The following ABCC4 variants were observed in gnomAD, a reference collection of about 807,000 sequenced individuals.
The protein encoded by ABCC4 is ATP-binding cassette sub-family C member 4.
A neutral mutation model predicts 168.5 loss-of-function variants in ABCC4; 102 were observed. The ratio of observed to expected loss-of-function variants is 0.61; its 90% confidence interval spans 0.52 to 0.71. ABCC4 has a LOEUF of 0.71. ABCC4 is among the 30% of genes least tolerant of loss of function. The pLI, the probability that ABCC4 is intolerant of heterozygous loss-of-function variation, is 0.00. For missense variants in ABCC4, 1,402 were observed against 1,605.8 expected (o/e 0.87, Z 2.17); for synonymous variants, 617 against 590.7 (o/e 1.04, Z -0.65).
chr13:95,103,645 T>C (rs1165451361), intron 20 of ABCC4, among the ~76,000 whole-genome samples: 1 of 152,162 alleles, frequency 6.6e-6, no homozygotes, highest in Non-Finnish European at 1.5e-5. Context: ...ACACAAGGCA[T>C]TCTGACCTGG....
chr13:95,058,567 C>CAAAAAAAAAAAAAA (rs1165324016), intron 26 of ABCC4, among the ~76,000 whole-genome samples: 3 of 62,786 alleles, frequency 4.8e-5, no homozygotes, highest in Non-Finnish European at 5.9e-5. Flanking sequence ...GACTCCATCT[C>CAAAAAAAAAAAAAA]AAAAAAAAAA....
At chr13:95,287,965 C>T (rs912342922) in intron 1 of ABCC4, among the ~76,000 whole-genome samples, 1 of 151,974 alleles carries the variant, frequency 6.6e-6, no homozygotes, top group African/African-American at 2.4e-5. Flanking sequence ...TCACTTGAAC[C>T]CGGGAGACGG....
intron 25 of ABCC4, among the ~76,000 whole-genome samples, chr13:95,064,275 T>C (rs2033428653): frequency 1.2e-5 from 1 of 84,980 alleles, no homozygotes. Flanking sequence ...TATATATATA[T>C]ATATATATAT....
chr13:95,132,957 A>T (rs2036021865), intron 19 of ABCC4, among the ~76,000 whole-genome samples: 1 of 152,240 alleles, frequency 6.6e-6, no homozygotes, highest in East Asian at 1.9e-4. Context: ...CCTGGGTTTC[A>T]GTTTGGGAAG....
intron 19 of ABCC4, 74 bp downstream of exon 19, chr13:95,161,115 G>A: frequency 9.2e-7 from 1 of 1,087,666 alleles, no homozygotes; most frequent in Non-Finnish European, 1.2e-6. Context: ...CATTTTCAAA[G>A]ATGGAAATGT....
intron 1 of ABCC4, among the ~76,000 whole-genome samples, chr13:95,291,827 A>T (rs2041411910): frequency 6.6e-6 from 1 of 152,156 alleles, no homozygotes; most frequent in African/African-American, 2.4e-5. Flanking sequence ...CGTGCCTGTA[A>T]TCCCAGCTAC....
chr13:95,196,108 C>T (rs2038407755), intron 8 of ABCC4, among the ~76,000 whole-genome samples: 1 of 152,122 alleles, frequency 6.6e-6, no homozygotes, highest in African/African-American at 2.4e-5. Flanking sequence ...GGAAAACTCC[C>T]TTTTGCTCCT....
chr13:95,161,291 A>G lies in ABCC4; in HGVS notation c.2353T>C (p.Leu785=), dbSNP rs2037091775. The change falls in exon 19 of 31, where the codon TTG becomes CTG. Residue 785 remains leucine (L), a synonymous_variant. Transcript: ENST00000645237. The stretch of plus-strand genomic sequence containing the variant: ...GAGTTAACAAGGACGTAGAATACCA[A>G]TAGAGATCTTGCTATGCCAAAAAGA... ...TVLFGIARSL[L]VFYVLVNSSQ... is the part of the protein sequence containing the mutation. 1 of 1,603,344 alleles carries G rather than the reference A, an allele frequency of 6.2e-7. No individual in the cohort carries two copies. The highest frequency in any genetic ancestry group is 8.5e-7 in the Non-Finnish European group (1 of 1,177,588).
chr13:95,217,993 A>G (rs955757361), intron 4 of ABCC4, among the ~76,000 whole-genome samples: 3 of 152,214 alleles, frequency 2.0e-5, no homozygotes, highest in Non-Finnish European at 4.4e-5. Context: ...GTTTTAGACT[A>G]GGATGTGGCT....
chr13:95,169,467 TC>T (rs983473947), intron 14 of ABCC4, among the ~76,000 whole-genome samples: 7 of 152,142 alleles, frequency 4.6e-5, no homozygotes, highest in African/African-American at 1.7e-4. Flanking sequence ...CCCACCTTTC[TC>T]CAGGCTCTCC....
chr13:95,250,765 T>C (rs1315609127), intron 1 of ABCC4, among the ~76,000 whole-genome samples: 2 of 139,792 alleles, frequency 1.4e-5, no homozygotes, highest in African/African-American at 2.7e-5. Context: ...TTCTTTTTTT[T>C]TTTTTTTTTT....
Position 95,074,267 on chromosome 13 carries a change from A to G in ABCC4, c.2864T>C (p.Ile955Thr). 1 of 1,614,052 alleles carries G rather than the reference A, an allele frequency of 6.2e-7. No homozygotes were observed. Among genetic ancestry groups the G allele is most frequent in the African/African-American group, 1.3e-5 (1 of 75,070 alleles). ...AACGATGATGACAAACATGGCACAG[A>G]TGGCATCCAGACGGACGGCAAACCA... Reference protein sequence around the residue: ...SRWFAVRLDAICAMFVIIVAF... With the variant: ...SRWFAVRLDATCAMFVIIVAF... Residue 955 changes from isoleucine (I) to threonine (T), a missense_variant, in exon 23 of 31, where the codon ATC becomes ACC. Physicochemically the swap from Ile to Thr is moderately conservative, Grantham distance 89 (BLOSUM62 -1). Transcript: ENST00000645237.
chr13:95,284,603 C>T (rs896921027), intron 1 of ABCC4, among the ~76,000 whole-genome samples: 1 of 152,182 alleles, frequency 6.6e-6, no homozygotes, highest in Non-Finnish European at 1.5e-5. Context: ...ACGGCCTTTT[C>T]GGCAGACACC....
chr13:95,057,035 T>C (rs1183861199), intron 26 of ABCC4, among the ~76,000 whole-genome samples: 2 of 152,218 alleles, frequency 1.3e-5, no homozygotes, highest in Non-Finnish European at 2.9e-5. Context: ...TTCCAGATCC[T>C]TCAGTTAAGC....
chr13:95,183,700 G>T (rs568499436), intron 11 of ABCC4, among the ~76,000 whole-genome samples: 1 of 152,138 alleles, frequency 6.6e-6, no homozygotes, highest in Non-Finnish European at 1.5e-5. Context: ...ATCACTTGAG[G>T]TCAAGAGTTC....
At chr13:95,026,706 C>T (rs2031560659) in intron 30 of ABCC4, among the ~76,000 whole-genome samples, 1 of 151,958 alleles carries the variant, frequency 6.6e-6, no homozygotes, top group Non-Finnish European at 1.5e-5. Flanking sequence ...ATGGAAAACA[C>T]AGTGAGACCT....
intron 4 of ABCC4, among the ~76,000 whole-genome samples, chr13:95,224,783 T>C (rs2039409142): frequency 6.6e-6 from 1 of 151,920 alleles, no homozygotes; most frequent in African/African-American, 2.4e-5. Context: ...TTTTACATGC[T>C]GAAAAAAAAT....
intron 19 of ABCC4, among the ~76,000 whole-genome samples, chr13:95,119,089 G>T (rs755771540): frequency 2.0e-5 from 3 of 152,034 alleles, no homozygotes; most frequent in Non-Finnish European, 4.4e-5. Flanking sequence ...AATACCCTAG[G>T]TATTATCTGC....
In ABCC4 at chr13:95,044,311, T is replaced by C. The variant is rs760665091; in HGVS notation, c.3584A>G (p.Asn1195Ser). ...CGCTTCATCAATAATCAATATCTGA[T>C]TTTTCCTGAGAATTGCCCTGGCAAG... The part of the protein sequence containing the change: ...VCLARAILRK[N>S]QILIIDEATA... The change falls in exon 28 of 31, where the codon AAT becomes AGT. Residue 1195 changes from asparagine to serine, a missense_variant. Asn to Ser is a conservative substitution (Grantham distance 46). Around this residue, in one of 3 missense-constraint regions of ABCC4, gnomAD observed 1,007 missense variants for 1,127.3 expected, o/e 0.89. Transcript: ENST00000645237. The C allele has an allele frequency of 6.2e-7, 1 of 1,613,658 alleles. No homozygotes were observed. Among genetic ancestry groups the C allele is most frequent in the South Asian group, 1.1e-5 (1 of 90,920 alleles).
Sources: gnomAD v4.1 joint callset for allele counts (sites outside exome capture counted in the v4.1 genomes callset) on GRCh38, gnomAD v4.1.1 for gene constraint, gnomAD v4.1.1 regional missense constraint, MANE v1.5 for transcripts, NCBI Gene and HGNC (gene_info 2026-07-23, HGNC 2026-07-21) for gene names.